Variants in PRDM16 observed in about 807,000 individuals in gnomAD.
PRDM16 encodes the protein PR/SET domain 16, also known as histone-lysine N-methyltransferase PRDM16.
Under a neutral mutation model 110.6 loss-of-function variants are expected in PRDM16, and 23 were observed. The observed-to-expected ratio is 0.21, with a 90% CI of 0.15 to 0.29. The LOEUF (loss-of-function observed/expected upper bound fraction) is 0.29. PRDM16 is among the 10% of genes least tolerant of loss of function. The pLI, the probability that PRDM16 is intolerant of heterozygous loss-of-function variation, is 1.00. For synonymous variants in PRDM16, 799 were observed against 781.8 expected, an observed-to-expected ratio of 1.02 and a Z score of -0.37; for missense variants, 1,615 against 1,794.3, an observed-to-expected ratio of 0.90 and a Z score of 1.81.
At position 3,069,882 on chromosome 1, in the gene PRDM16, CGCGGGCGCAGGGGCAGGGGTGGCGACG is replaced by C. The variant is rs1641705313; in HGVS notation, c.37+592_37+618del. On this transcript the variant is annotated intron_variant, in intron 1 of 16. Coordinates refer to ENST00000270722, the MANE Select transcript of PRDM16 (RefSeq NM_022114.4). This position sits in a 1 kb window ranked among gnomAD's most constrained non-coding sequence, Gnocchi z 6.1. ...GCGCGGGCCGGCGCCCACCCGGCTC[CGCGGGCGCAGGGGCAGGGGTGGCGACG>C]GCGGGACAGCCGCAGCCACTTGGGG... Among the ~76,000 whole-genome samples the C allele has an allele frequency of 6.6e-6, 1 of 151,996 alleles. No homozygotes were observed. Among genetic ancestry groups the C allele is most frequent in the African/African-American group, 2.4e-5 (1 of 41,434 alleles).
At chr1:3,362,866 C>T (rs947573409) in intron 3 of PRDM16, among the ~76,000 whole-genome samples, 1 of 152,214 alleles carries the variant, frequency 6.6e-6, no homozygotes, top group Non-Finnish European at 1.5e-5. Context: ...AGCAGCACAG[C>T]CTTCCCTGTA....
chr1:3,147,214 G>T (rs1222491900), intron 1 of PRDM16, among the ~76,000 whole-genome samples: 3 of 151,876 alleles, frequency 2.0e-5, no homozygotes, highest in Non-Finnish European at 4.4e-5. Flanking sequence ...TTCAGTGTGG[G>T]GTGTGTGTGC....
intron 5 of PRDM16, among the ~76,000 whole-genome samples, chr1:3,402,224 G>A (rs1295777796): frequency 6.6e-6 from 1 of 152,018 alleles, no homozygotes; most frequent in Admixed American, 6.6e-5. Context: ...GTGGAAGGCT[G>A]CTGCCCAGCT....
intron 2 of PRDM16, among the ~76,000 whole-genome samples, chr1:3,200,621 C>A (rs1019856684): frequency 3.9e-5 from 6 of 152,238 alleles, no homozygotes; most frequent in African/African-American, 1.4e-4. Context: ...GGATTACAGG[C>A]GTGAGCCACC....
At chr1:3,173,538 CAG>C (rs1644052373) in intron 1 of PRDM16, among the ~76,000 whole-genome samples, 1 of 152,208 alleles carries the variant, frequency 6.6e-6, no homozygotes, top group African/African-American at 2.4e-5. Context: ...CTCGGCTGGT[CAG>C]GGGAGATTCC....
At chr1:3,415,744 G>A (rs796178536) in intron 10 of PRDM16, among the ~76,000 whole-genome samples, 3 of 152,228 alleles carry the variant, frequency 2.0e-5, no homozygotes, top group African/African-American at 7.2e-5. Flanking sequence ...GCCCCCACGG[G>A]CCTGCCACCC....
intron 5 of PRDM16, among the ~76,000 whole-genome samples, chr1:3,398,847 T>A (rs1643425010): frequency 6.6e-6 from 1 of 152,146 alleles, no homozygotes. Flanking sequence ...ATCACTATAT[T>A]TTGTGCTTTT....
chr1:3,181,348 G>GC (rs1191705184), intron 1 of PRDM16, among the ~76,000 whole-genome samples: 30 of 20,516 alleles, frequency 1.5e-3, no homozygotes, highest in Non-Finnish European at 3.2e-3. Context: ...TCTTACACAC[G>GC]GTCTTACACA....
intron 1 of PRDM16, among the ~76,000 whole-genome samples, chr1:3,076,871 T>G (rs2100567643): frequency 6.6e-6 from 1 of 152,352 alleles, no homozygotes; most frequent in South Asian, 2.1e-4. Flanking sequence ...ATGTATATTC[T>G]ATAAGGAATT....
intron 10 of PRDM16, 41 bp downstream of exon 10, chr1:3,414,688 C>T (rs372682300): frequency 4.2e-5 from 62 of 1,490,332 alleles, no homozygotes; most frequent in Admixed American, 4.0e-4. Context: ...GTAACCCACA[C>T]GCCAGTGGCC....
chr1:3,158,551 C>G (rs1426815203), intron 1 of PRDM16, among the ~76,000 whole-genome samples: 1 of 152,054 alleles, frequency 6.6e-6, no homozygotes, highest in Non-Finnish European at 1.5e-5. Context: ...GTTCTCATGG[C>G]GAGAAGGCAC....
intron 1 of PRDM16, among the ~76,000 whole-genome samples, chr1:3,134,451 A>G (rs1215920938): frequency 1.3e-5 from 2 of 152,310 alleles, no homozygotes; most frequent in Non-Finnish European, 2.9e-5. Flanking sequence ...CCGAGGGGCC[A>G]CGCTCATGCC....
rs1298992567 is a variant in PRDM16 at position 3,148,742 on chromosome 1, G to A, written c.38-37383G>A. Among the ~76,000 whole-genome samples, 1 of 152,226 alleles carries A rather than the reference G, an allele frequency of 6.6e-6. No individual in the cohort carries two copies. Among genetic ancestry groups the A allele is most frequent in the Non-Finnish European group, 1.5e-5 (1 of 68,038 alleles). ...GGTGGTGAATCTGGGCACTGCCTGG[G>A]ACCATGGGGGGACCACAATATCTCT... On this transcript the variant is annotated intron_variant, in intron 1 of 16. Coordinates refer to ENST00000270722, the MANE Select transcript of PRDM16 (RefSeq NM_022114.4). This position sits in a 1 kb window ranked among gnomAD's most constrained non-coding sequence, Gnocchi z 5.0.
intron 3 of PRDM16, among the ~76,000 whole-genome samples, chr1:3,256,229 C>A (rs902682393): frequency 6.6e-6 from 1 of 152,176 alleles, no homozygotes; most frequent in East Asian, 1.9e-4. Flanking sequence ...GACAAAGCAA[C>A]ACTGTAGAAG....
At chr1:3,409,314 C>G (rs59691927) in intron 8 of PRDM16, among the ~76,000 whole-genome samples, 19,333 of 151,862 alleles carry the variant, frequency 0.13, 1,468 homozygotes, top group East Asian at 0.31. Flanking sequence ...GGTAGGTGAC[C>G]GAGGGGTATT....
chr1:3,344,087 AGT>A (rs1642319726), intron 3 of PRDM16, among the ~76,000 whole-genome samples: 1 of 152,184 alleles, frequency 6.6e-6, no homozygotes, highest in African/African-American at 2.4e-5. Flanking sequence ...TGGTGATCCC[AGT>A]GCTCTGGGAG....
chr1:3,254,618 C>T (rs1248515509), intron 3 of PRDM16, among the ~76,000 whole-genome samples: 6 of 152,146 alleles, frequency 3.9e-5, no homozygotes, highest in Non-Finnish European at 8.8e-5. Flanking sequence ...AGGACCTCTT[C>T]AAGGAGAACT....
At position 3,190,185 on chromosome 1, in the gene PRDM16, GGTC is replaced by G. The variant is rs1181930442; in HGVS notation, c.387+3714_387+3716del. 6.6e-6 allele frequency among the ~76,000 whole-genome samples: 1 copy of G among 151,996 alleles called. No individual in the cohort carries two copies. Among genetic ancestry groups the G allele is most frequent in the Non-Finnish European group, 1.5e-5 (1 of 67,990 alleles). On this transcript the variant is annotated intron_variant, in intron 2 of 16. Transcript: ENST00000270722. This position sits in a 1 kb window ranked among gnomAD's most constrained non-coding sequence, Gnocchi z 5.0. ...AGGTCGTGGGGCAGCCTTACTTCAA[GGTC>G]GTGGGGCAGCGTTACTTCAAGGTCG...
At chr1:3,364,902 G>A (rs1642782901) in intron 3 of PRDM16, among the ~76,000 whole-genome samples, 1 of 152,186 alleles carries the variant, frequency 6.6e-6, no homozygotes, top group Non-Finnish European at 1.5e-5. Flanking sequence ...GGCGAGCGCT[G>A]CCTTCTGCAC....
Sources: gnomAD v4.1 joint callset for allele counts (sites outside exome capture counted in the v4.1 genomes callset) on GRCh38, gnomAD v4.1.1 for gene constraint, Gnocchi (gnomAD v3.1) non-coding constraint, MANE v1.5 for transcripts, NCBI Gene and HGNC (gene_info 2026-07-23, HGNC 2026-07-21) for gene names.